PCDHGA7: variants seen among roughly 807,000 people sequenced by gnomAD.
The protein encoded by PCDHGA7 is protocadherin gamma subfamily A, 7.
A neutral mutation model predicts 58.3 loss-of-function variants in PCDHGA7; 44 were observed. The observed-to-expected ratio is 0.75, with a 90% CI of 0.59 to 0.97. PCDHGA7 has a LOEUF of 0.97. Ranked by LOEUF, PCDHGA7 falls within the 50% of genes least tolerant of loss-of-function variation. The pLI, the probability that PCDHGA7 is intolerant of heterozygous loss-of-function variation, is 0.00. For missense variants in PCDHGA7, 1,266 were observed against 1,188.7 expected (o/e 1.06, Z -0.96); for synonymous variants, 516 against 504.2 (o/e 1.02, Z -0.31).
At chr5:141,448,984 A>C (rs2098621334) in intron 1 of PCDHGA7, among the ~76,000 whole-genome samples, 1 of 152,086 alleles carries the variant, frequency 6.6e-6, no homozygotes, top group Non-Finnish European at 1.5e-5. Context: ...CTTCCATATT[A>C]ATATATAGAA....
intron 1 of PCDHGA7, among the ~76,000 whole-genome samples, chr5:141,401,180 A>G (rs1006390606): frequency 2.6e-5 from 4 of 152,196 alleles, no homozygotes; most frequent in Non-Finnish European, 5.9e-5. Context: ...CGTCTCTACT[A>G]AAAATACAAA....
At chr5:141,483,361 A>G (rs752805137) in intron 1 of PCDHGA7, among the ~76,000 whole-genome samples, 1 of 152,102 alleles carries the variant, frequency 6.6e-6, no homozygotes, top group South Asian at 2.1e-4. Context: ...TTTGAAAGCT[A>G]TTGCAATATT....
intron 1 of PCDHGA7, among the ~76,000 whole-genome samples, chr5:141,472,792 C>A (rs2099297177): frequency 6.6e-6 from 1 of 151,698 alleles, no homozygotes; most frequent in African/African-American, 2.4e-5. Context: ...TCAAGATCAG[C>A]CTGACCAACA....
intron 1 of PCDHGA7, chr5:141,420,437 T>G (rs2096496377): frequency 4.5e-6 from 5 of 1,109,618 alleles, no homozygotes; most frequent in Admixed American, 3.7e-5. Context: ...TTAAATTAAA[T>G]GCCTCAGTCT....
rs1472112755 is a variant in PCDHGA7 at position 141,383,494 on chromosome 5, G to A, written c.595G>A (p.Val199Met). 1 of 1,613,248 alleles carries A rather than the reference G, an allele frequency of 6.2e-7. No homozygotes were observed. The highest frequency in any genetic ancestry group is 8.5e-7 in the Non-Finnish European group (1 of 1,179,576). ...GTACCCGGAACTGGTGCTGGAGCGG[G>A]TGCTGGACCGGGAGGAAGAGCGGGT... is the stretch of plus-strand genomic sequence containing the variant. Reference protein sequence around the residue: ...TKYPELVLERVLDREEERVHH... With the variant: ...TKYPELVLERMLDREEERVHH... Residue 199 changes from valine to methionine, a missense_variant, in exon 1 of 4, where the codon GTG becomes ATG. Transcript: ENST00000518325.
intron 1 of PCDHGA7, chr5:141,399,493 A>G (rs2093820399): frequency 1.2e-6 from 2 of 1,614,036 alleles, no homozygotes; most frequent in African/African-American, 2.7e-5. Context: ...CTACTTAGTC[A>G]GTGTACCCGA....
At chr5:141,465,657 G>T (rs904553709) in intron 1 of PCDHGA7, among the ~76,000 whole-genome samples, 2 of 152,130 alleles carry the variant, frequency 1.3e-5, no homozygotes, top group Non-Finnish European at 2.9e-5. Context: ...CCAAAAAAGC[G>T]CTTGCCATGA....
At chr5:141,408,052 C>G in intron 1 of PCDHGA7, 1 of 1,283,102 alleles carries the variant, frequency 7.8e-7, no homozygotes, top group Non-Finnish European at 1.0e-6. Flanking sequence ...CACACAGAGC[C>G]TCCCGGCTGC....
At chr5:141,498,971 G>GGGAGGGAAGGAAGGAA (rs2099787588) in intron 2 of PCDHGA7, among the ~76,000 whole-genome samples, 1 of 110,970 alleles carries the variant, frequency 9.0e-6, no homozygotes, top group African/African-American at 3.6e-5. Flanking sequence ...GAGGGAGGGA[G>GGGAGGGAAGGAAGGAA]GGAAGGAAGG....
At chr5:141,399,479 C>G (rs774561101) in intron 1 of PCDHGA7, 2 of 1,614,032 alleles carry the variant, frequency 1.2e-6, no homozygotes, top group East Asian at 4.5e-5. Context: ...TTCCACCAGG[C>G]GTCCTACTTA....
intron 1 of PCDHGA7, chr5:141,422,554 G>A (rs753985751): frequency 1.2e-5 from 19 of 1,613,870 alleles, no homozygotes; most frequent in Non-Finnish European, 1.6e-5. Flanking sequence ...CTGGCTGAAT[G>A]TGGCAGATGA....
intron 1 of PCDHGA7, among the ~76,000 whole-genome samples, chr5:141,482,985 C>T (rs971017271): frequency 1.3e-5 from 2 of 151,372 alleles, no homozygotes; most frequent in East Asian, 1.9e-4. Context: ...CTTGAGAGGT[C>T]GAGGCAGGAG....
At chr5:141,415,754 T>TTTG (rs2095935149) in intron 1 of PCDHGA7, 3 of 1,385,710 alleles carry the variant, frequency 2.2e-6, no homozygotes, top group African/African-American at 1.5e-5. Context: ...TTTTTTTTTT[T>TTTG]TTTTTTTTTT....
At position 141,494,838 on chromosome 5, in the gene PCDHGA7, C is replaced by T; in HGVS notation, c.2456C>T (p.Ser819Phe). 4.3e-6 allele frequency: 7 copies of T among 1,614,166 alleles called. No homozygotes were observed. Among genetic ancestry groups the T allele is most frequent in the Non-Finnish European group, 3.4e-6 (4 of 1,180,032 alleles). Residue 819 changes from serine (S) to phenylalanine (F), a missense_variant, in exon 2 of 4, where the codon TCT becomes TTT. By Grantham distance (155) the Ser-to-Phe change is radical. Transcript: ENST00000518325. ...CCGCCCAACACGGACTGGCGTTTCT[C>T]TCAGGCCCAGAGACCCGGCACCAGC... ...QAPPNTDWRF[S>F]QAQRPGTSGS...
intron 1 of PCDHGA7, among the ~76,000 whole-genome samples, chr5:141,471,035 G>A (rs2099247157): frequency 7.1e-6 from 1 of 141,386 alleles, no homozygotes; most frequent in Admixed American, 7.1e-5. Flanking sequence ...TTATTAACAA[G>A]CCCAAGCCCT....
At chr5:141,462,019 C>T (rs1276421563) in intron 1 of PCDHGA7, among the ~76,000 whole-genome samples, 6 of 152,178 alleles carry the variant, frequency 3.9e-5, no homozygotes, top group Non-Finnish European at 8.8e-5. Flanking sequence ...GACGGGGTTT[C>T]TTCATGTTGG....
rs543908773 is a variant in PCDHGA7, at chr5:141,400,145, A to G, written c.2424+14822A>G. ...CAGGAGGTGCTGCCGGATATCACTG[A>G]CCGCCCTGTACCCTCTGACCCCCAG... On this transcript the variant is annotated intron_variant, in intron 1 of 3. Coordinates refer to ENST00000518325, the MANE Select transcript of PCDHGA7 (RefSeq NM_018920.4). The G allele has an allele frequency of 4.1e-5, 66 of 1,613,312 alleles. No individual in the cohort carries two copies. The South Asian group carries it at 5.4e-4, about 13-fold the overall frequency.
chr5:141,392,145 C>T (rs2150471723), intron 1 of PCDHGA7: 1 of 152,264 alleles, frequency 6.6e-6, no homozygotes, highest in East Asian at 1.9e-4. Context: ...GTAGTTTAAA[C>T]CAAATAAAAC....
rs200724467 is a variant in PCDHGA7 at position 141,399,395 on chromosome 5, G to A, written c.2424+14072G>A. 5,303 of 1,613,964 alleles carry A rather than the reference G, an allele frequency of 3.3e-3. 153 individuals carry two copies. In the South Asian group the frequency reaches 0.047, roughly 14 times the overall value. ...AATGTCACCATCACAGCCACAGACA[G>A]GGGCAAGCCGCCCCTCTCCTCCAGC... On this transcript the variant is annotated intron_variant, in intron 1 of 3. Coordinates refer to ENST00000518325, the MANE Select transcript of PCDHGA7 (RefSeq NM_018920.4).
Sources: gnomAD v4.1 joint callset for allele counts (sites outside exome capture counted in the v4.1 genomes callset) on GRCh38, gnomAD v4.1.1 for gene constraint, MANE v1.5 for transcripts, NCBI Gene and HGNC (gene_info 2026-07-23, HGNC 2026-07-21) for gene names.